Variants in KRCC1 observed in about 807,000 individuals in gnomAD.
The protein encoded by KRCC1 is lysine rich coiled-coil 1.
KRCC1 carries 3 observed loss-of-function variants against 7.4 expected under a neutral mutation model. The observed-to-expected ratio is 0.40, with a 90% CI of 0.18 to 1.04. The LOEUF (loss-of-function observed/expected upper bound fraction) is 1.04, where lower values mean the gene tolerates loss of function less well. Among genes scored for constraint, KRCC1 ranks in the 50% least tolerant of loss-of-function variants. The pLI, the probability that KRCC1 is intolerant of heterozygous loss-of-function variation, is 0.33. For synonymous variants in KRCC1, 102 were observed against 101.6 expected (o/e 1.00, Z -0.02); for missense variants, 277 against 300.9 (o/e 0.92, Z 0.59).
intron 1 of KRCC1, among the ~76,000 whole-genome samples, chr2:88,046,695 T>C (rs1239593849): frequency 6.6e-6 from 1 of 152,340 alleles, no homozygotes; most frequent in East Asian, 1.9e-4. Flanking sequence ...TTTTGAGACA[T>C]GGTCTCATTC....
rs1672899625 is a variant in KRCC1, at chr2:88,027,699, A to G, written c.*85T>C. 8.3e-7 allele frequency: 1 copy of G among 1,211,076 alleles called. No homozygotes were observed. Among genetic ancestry groups the G allele is most frequent in the Non-Finnish European group, 1.2e-6 (1 of 867,084 alleles). The allele number at this position is 1,211,076 out of a possible 1,614,324, so 75.0% of individuals were successfully genotyped here. ...AAGTTAAAGAACCTATTCACATAAGAAAAGTGGTATGAACACGGATATCAT... is the reference window on the plus strand; with the variant it reads ...AAGTTAAAGAACCTATTCACATAAGGAAAGTGGTATGAACACGGATATCAT... On this transcript the variant is annotated 3_prime_UTR_variant, in exon 4 of 4. Coordinates refer to ENST00000347055, the MANE Select transcript of KRCC1 (RefSeq NM_016618.3).
At chr2:88,029,308 G>A (rs2104602002) in intron 3 of KRCC1, among the ~76,000 whole-genome samples, 1 of 152,294 alleles carries the variant, frequency 6.6e-6, no homozygotes, top group East Asian at 1.9e-4. Context: ...AGGAACCACA[G>A]ATACAGAATT....
Position 88,028,483 on chromosome 2 carries a change from T to C in KRCC1, c.81A>G (p.Leu27=), listed in dbSNP as rs749877766. The C allele has an allele frequency of 6.2e-7, 1 of 1,613,672 alleles. No homozygotes were observed. Among genetic ancestry groups the C allele is most frequent in the South Asian group, 1.1e-5 (1 of 91,062 alleles). ...TCTTTCTGAAACAAGTCTTTGGCTC[T>C]AAGCCTCTGGCTTTCTGTACTTTAA... ...DYIKVQKARG[L]EPKTCFRKMK... The change falls in exon 4 of 4, where the codon TTA becomes TTG. Residue 27 remains leucine, a synonymous_variant. Coordinates refer to ENST00000347055, the MANE Select transcript of KRCC1 (RefSeq NM_016618.3).
intron 3 of KRCC1, among the ~76,000 whole-genome samples, chr2:88,029,470 G>A (rs915420608): frequency 6.6e-6 from 1 of 152,148 alleles, no homozygotes; most frequent in Non-Finnish European, 1.5e-5. Context: ...CTACTTTTAG[G>A]TATCAGGTAT....
chr2:88,030,144 C>T (rs1042479198), intron 3 of KRCC1, among the ~76,000 whole-genome samples: 1 of 150,532 alleles, frequency 6.6e-6, no homozygotes, highest in Admixed American at 6.6e-5. Context: ...CACTGTGTCC[C>T]ACCTGCCCTA....
chr2:88,048,849 G>C (rs1452629338), intron 1 of KRCC1, among the ~76,000 whole-genome samples: 1 of 152,188 alleles, frequency 6.6e-6, no homozygotes, highest in Non-Finnish European at 1.5e-5. Flanking sequence ...CTAGGCAACT[G>C]ATTCTGTTAT....
intron 1 of KRCC1, among the ~76,000 whole-genome samples, chr2:88,039,298 C>T (rs1215999629): frequency 1.3e-5 from 2 of 151,994 alleles, no homozygotes; most frequent in African/African-American, 4.8e-5. Flanking sequence ...AATATTAATG[C>T]CAGTGTATGG....
chr2:88,034,418 T>A (rs1276286063), intron 2 of KRCC1, 126 bp from the exon 3 acceptor site: 1 of 152,206 alleles, frequency 6.6e-6, no homozygotes, highest in East Asian at 1.9e-4. Context: ...TTCTTATAAA[T>A]CTGAAAATAA....
chr2:88,040,898 G>C (rs900785202), intron 1 of KRCC1, among the ~76,000 whole-genome samples: 2 of 152,130 alleles, frequency 1.3e-5, no homozygotes, highest in Non-Finnish European at 2.9e-5. Flanking sequence ...AAAAAAACAT[G>C]AGTAAAGAAA....
intron 1 of KRCC1, among the ~76,000 whole-genome samples, chr2:88,049,297 C>CAGAT (rs1338329367): frequency 7.9e-5 from 12 of 152,164 alleles, no homozygotes; most frequent in African/African-American, 2.9e-4. Context: ...GGATCCAAGG[C>CAGAT]AGATATCCTA....
At chr2:88,031,078 A>G (rs1314692802) in intron 3 of KRCC1, among the ~76,000 whole-genome samples, 1 of 147,746 alleles carries the variant, frequency 6.8e-6, no homozygotes, top group Non-Finnish European at 1.5e-5. Flanking sequence ...ATTATTTTAG[A>G]GTATATTCTT....
intron 1 of KRCC1, among the ~76,000 whole-genome samples, chr2:88,052,214 T>C (rs1161676271): frequency 6.6e-6 from 1 of 152,256 alleles, no homozygotes; most frequent in Non-Finnish European, 1.5e-5. Context: ...TATCTTAAAC[T>C]GTCAGACTTT....
At position 88,027,891 on chromosome 2, in the gene KRCC1, C is replaced by T; in HGVS notation, c.673G>A (p.Val225Ile). Residue 225 changes from valine (V) to isoleucine (I), a missense_variant, in exon 4 of 4, where the codon GTA becomes ATA. Physicochemically the swap from Val to Ile is conservative, Grantham distance 29. Coordinates refer to ENST00000347055, the MANE Select transcript of KRCC1 (RefSeq NM_016618.3). ...KNRKEKKSRD[V>I]VSKKEERKRT... ...TTACGTTCCTCTTTCTTAGAGACTA[C>T]ATCTCGGCTTTTTTTCTCCTTTCGA... is the stretch of plus-strand genomic sequence containing the variant. 1 of 1,614,042 alleles carries T rather than the reference C, an allele frequency of 6.2e-7. No homozygotes were observed. The highest frequency in any genetic ancestry group is 8.5e-7 in the Non-Finnish European group (1 of 1,180,010).
chr2:88,033,808 C>T (rs1290353309), intron 3 of KRCC1, among the ~76,000 whole-genome samples: 2 of 152,174 alleles, frequency 1.3e-5, no homozygotes, highest in Non-Finnish European at 2.9e-5. Context: ...GCAGTTTCAT[C>T]AATTCCACTT....
chr2:88,047,682 C>T (rs1326815930), intron 1 of KRCC1, among the ~76,000 whole-genome samples: 1 of 152,070 alleles, frequency 6.6e-6, no homozygotes, highest in African/African-American at 2.4e-5. Flanking sequence ...GCACACACCA[C>T]CACGCCTGGC....
chr2:88,034,059 A>T (rs1201523414), intron 3 of KRCC1, 75 bp downstream of exon 3: 2 of 152,662 alleles, frequency 1.3e-5, no homozygotes, highest in African/African-American at 4.8e-5. Context: ...ACATTATGCT[A>T]TGTGAAAGAA....
intron 1 of KRCC1, among the ~76,000 whole-genome samples, chr2:88,045,298 T>C (rs1051449821): frequency 6.6e-6 from 1 of 152,222 alleles, no homozygotes; most frequent in Non-Finnish European, 1.5e-5. Context: ...GCAGCTTTAT[T>C]TGTAACAGCC....
chr2:88,052,206 T>C (rs1325264839), intron 1 of KRCC1, among the ~76,000 whole-genome samples: 4 of 152,270 alleles, frequency 2.6e-5, no homozygotes, highest in African/African-American at 7.2e-5. Flanking sequence ...TTTTCCACTA[T>C]CTTAAACTGT....
intron 1 of KRCC1, among the ~76,000 whole-genome samples, chr2:88,048,909 CTATT>C (rs1272049156): frequency 2.6e-5 from 4 of 152,286 alleles, no homozygotes; most frequent in Non-Finnish European, 5.9e-5. Context: ...AGGTCAAATC[CTATT>C]TAAAGTGTTT....
Sources: gnomAD v4.1 joint callset for allele counts (sites outside exome capture counted in the v4.1 genomes callset) on GRCh38, gnomAD v4.1.1 for gene constraint, MANE v1.5 for transcripts, NCBI Gene and HGNC (gene_info 2026-07-23, HGNC 2026-07-21) for gene names.